Variants in AUTS2 observed in about 807,000 individuals in gnomAD.
AUTS2 encodes autism susceptibility gene 2 protein.
AUTS2 carries 17 observed loss-of-function variants against 112.4 expected under a neutral mutation model. The observed-to-expected ratio is 0.15, with a 90% CI of 0.10 to 0.23. The LOEUF (loss-of-function observed/expected upper bound fraction) is 0.23. AUTS2 is among the 10% of genes least tolerant of loss of function. The pLI, the probability that AUTS2 is intolerant of heterozygous loss-of-function variation, is 1.00. For missense variants in AUTS2, 1,510 were observed against 1,701.6 expected, an observed-to-expected ratio of 0.89 and a Z score of 1.98; for synonymous variants, 751 against 702.7, an observed-to-expected ratio of 1.07 and a Z score of -1.09.
At chr7:69,779,328 CT>C (rs1394237999) in intron 1 of AUTS2, among the ~76,000 whole-genome samples, 6 of 152,154 alleles carry the variant, frequency 3.9e-5, no homozygotes, top group Admixed American at 3.3e-4. Context: ...GAAAGGTTAT[CT>C]TTTCACATTG....
At chr7:70,053,030 G>C (rs1423278503) in intron 2 of AUTS2, among the ~76,000 whole-genome samples, 2 of 152,176 alleles carry the variant, frequency 1.3e-5, no homozygotes, top group African/African-American at 2.4e-5. Context: ...CAGCACTCAG[G>C]CTGTGCTATT....
At chr7:70,655,081 G>A (rs1806698677) in intron 5 of AUTS2, among the ~76,000 whole-genome samples, 1 of 152,250 alleles carries the variant, frequency 6.6e-6, no homozygotes, top group African/African-American at 2.4e-5. Flanking sequence ...CTCAGTGACA[G>A]CCTGTGGCGG....
intron 1 of AUTS2, among the ~76,000 whole-genome samples, chr7:69,634,596 CG>C (rs1475503168): frequency 6.6e-6 from 1 of 152,058 alleles, no homozygotes; most frequent in Non-Finnish European, 1.5e-5. Context: ...GAGAGGGACC[CG>C]AACTGTGAAG....
intron 2 of AUTS2, among the ~76,000 whole-genome samples, chr7:70,097,424 C>T (rs935643577): frequency 6.6e-6 from 1 of 152,184 alleles, no homozygotes; most frequent in African/African-American, 2.4e-5. Flanking sequence ...TTGATGTCTG[C>T]ATGTGCATGT....
At chr7:70,014,229 T>A (rs1799930429) in intron 2 of AUTS2, among the ~76,000 whole-genome samples, 2 of 152,212 alleles carry the variant, frequency 1.3e-5, no homozygotes, top group South Asian at 2.1e-4. Context: ...TGCACTCACT[T>A]CTGTCTCAAG....
chr7:70,549,967 T>G (rs1800951545), intron 5 of AUTS2, among the ~76,000 whole-genome samples: 1 of 152,240 alleles, frequency 6.6e-6, no homozygotes, highest in African/African-American at 2.4e-5. Flanking sequence ...TTGATGGTTT[T>G]GTTTTGTTTT....
intron 11 of AUTS2, among the ~76,000 whole-genome samples, chr7:70,773,487 A>C (rs1260281866): frequency 6.6e-6 from 1 of 152,178 alleles, no homozygotes; most frequent in Non-Finnish European, 1.5e-5. Flanking sequence ...AAGGTCCCTA[A>C]ATTAGGTTCT....
intron 5 of AUTS2, among the ~76,000 whole-genome samples, chr7:70,581,921 G>A (rs1339054579): frequency 2.0e-5 from 3 of 151,986 alleles, no homozygotes; most frequent in East Asian, 3.9e-4. Context: ...TTAGTCAAAG[G>A]TGGGGCCAAA....
At position 69,634,210 on chromosome 7, in the gene AUTS2, C is replaced by T. The variant is rs573091093; in HGVS notation, c.309+34248C>T. 2.8e-4 allele frequency among the ~76,000 whole-genome samples: 42 copies of T among 151,674 alleles called. No individual in the cohort carries two copies. In the South Asian group the frequency reaches 8.6e-3, roughly 31 times the overall value. On this transcript the variant is annotated intron_variant, in intron 1 of 18. Transcript: ENST00000342771. ...TCTCGGCTCACTGCAAGCTCCGCCT[C>T]CCGGGTTCACGCCATTCTCCTGCCT...
At chr7:70,692,490 G>A (rs760280644) in intron 5 of AUTS2, among the ~76,000 whole-genome samples, 1 of 152,208 alleles carries the variant, frequency 6.6e-6, no homozygotes, top group Non-Finnish European at 1.5e-5. Flanking sequence ...CCGCCTCCCT[G>A]GAGGACCACA....
At chr7:70,096,964 G>A (rs1051797178) in intron 2 of AUTS2, among the ~76,000 whole-genome samples, 3 of 152,152 alleles carry the variant, frequency 2.0e-5, no homozygotes, top group African/African-American at 7.2e-5. Flanking sequence ...GCTATCTTAC[G>A]TTCTCTTTTT....
rs536762078 is a variant in AUTS2, at chr7:69,718,666, A to C, written c.309+118704A>C. Among the ~76,000 whole-genome samples, 50 of 152,220 alleles carry C rather than the reference A, an allele frequency of 3.3e-4. No homozygotes were observed. In the South Asian group the frequency reaches 0.01, roughly 31 times the overall value. On this transcript the variant is annotated intron_variant, in intron 1 of 18. Transcript: ENST00000342771. ...GGTTAGCATCCTTAATTCCATCTCC[A>C]ACCTTAATTCCCCTTTGCTATGTGT...
intron 5 of AUTS2, among the ~76,000 whole-genome samples, chr7:70,579,867 C>T (rs1802354186): frequency 6.6e-6 from 1 of 152,118 alleles, no homozygotes; most frequent in Non-Finnish European, 1.5e-5. Context: ...AGAATCTGCC[C>T]CTAAGCCACC....
chr7:70,501,971 G>A (rs1210346998), intron 5 of AUTS2, among the ~76,000 whole-genome samples: 1 of 152,146 alleles, frequency 6.6e-6, no homozygotes, highest in African/African-American at 2.4e-5. Context: ...CCATGGCTCA[G>A]GAACTTACCC....
intron 4 of AUTS2, among the ~76,000 whole-genome samples, chr7:70,345,132 G>T (rs1791437595): frequency 6.6e-6 from 1 of 152,180 alleles, no homozygotes; most frequent in African/African-American, 2.4e-5. Context: ...GGAGTGTGTG[G>T]TATTCTGCAG....
At chr7:70,769,357 CTATACTCTGCTGAT>C (rs1790173452) in intron 10 of AUTS2, among the ~76,000 whole-genome samples, 1 of 152,276 alleles carries the variant, frequency 6.6e-6, no homozygotes, top group Admixed American at 6.5e-5. Flanking sequence ...TGCCCTTAGT[CTATACTCTGCTGAT>C]TTAAAGTAAG....
Position 69,768,088 on chromosome 7 carries a change from G to A in AUTS2, c.310-131198G>A, listed in dbSNP as rs530771864. ...CTTAGAACCTTCTGCAGTATTTGGT[G>A]TATTGTTCTGTCTGTGGCAATTGTC... is the stretch of plus-strand genomic sequence containing the variant. On this transcript the variant is annotated intron_variant, in intron 1 of 18. Coordinates refer to ENST00000342771, the MANE Select transcript of AUTS2 (RefSeq NM_015570.4). Among the ~76,000 whole-genome samples, 9 of 152,242 alleles carry A rather than the reference G, an allele frequency of 5.9e-5. No individual in the cohort carries two copies. The South Asian group carries it at 1.2e-3, about 21-fold the overall frequency.
intron 1 of AUTS2, among the ~76,000 whole-genome samples, chr7:69,870,529 A>T (rs1479794039): frequency 7.0e-6 from 1 of 143,860 alleles, no homozygotes; most frequent in Non-Finnish European, 1.5e-5. Flanking sequence ...GAAACAAAAA[A>T]AAAAAATAAA....
At chr7:70,610,762 A>G (rs1804052490) in intron 5 of AUTS2, among the ~76,000 whole-genome samples, 1 of 152,126 alleles carries the variant, frequency 6.6e-6, no homozygotes, top group African/African-American at 2.4e-5. Flanking sequence ...GTTTTTAAAT[A>G]TATCTGTTGG....
Sources: allele counts gnomAD v4.1 joint callset (sites outside exome capture counted in the v4.1 genomes callset), GRCh38; gene constraint gnomAD v4.1.1; transcripts MANE v1.5; gene names NCBI Gene and HGNC (gene_info 2026-07-23, HGNC 2026-07-21).